Variants in THNSL1 observed in about 807,000 individuals in gnomAD.
The protein encoded by THNSL1 is threonine synthase like 1.
THNSL1 carries 48 observed loss-of-function variants against 50.4 expected under a neutral mutation model. The observed-to-expected ratio is 0.95, with a 90% confidence interval of 0.76 to 1.21. The LOEUF (loss-of-function observed/expected upper bound fraction) is 1.21, where lower values mean the gene tolerates loss of function less well. THNSL1 is among the 50% of genes most tolerant of loss of function. The pLI is 0.00. For missense variants in THNSL1, 896 were observed against 871.7 expected, an observed-to-expected ratio of 1.03 and a Z score of -0.35; for synonymous variants, 309 against 306.1, an observed-to-expected ratio of 1.01 and a Z score of -0.10.
the THNSL1 span, among the ~76,000 whole-genome samples, chr10:24,989,748 G>A: frequency 3.9e-5 from 6 of 152,266 alleles, no homozygotes; most frequent in East Asian, 7.7e-4. Context: ...AAATGGCTTC[G>A]TGGGATGCTT....
In THNSL1 at chr10:25,025,412, T is replaced by A; in HGVS notation, c.2189T>A (p.Leu730Ter). 1 of 1,612,706 alleles carries A rather than the reference T, an allele frequency of 6.2e-7. No homozygotes were observed. Among genetic ancestry groups the A allele is most frequent in the South Asian group, 1.1e-5 (1 of 90,544 alleles). Residue 730 changes from leucine (L) to a stop codon, truncating the protein, a stop_gained, in exon 3 of 3, where the codon TTG becomes TAG. Coordinates refer to ENST00000376356, the MANE Select transcript of THNSL1 (RefSeq NM_024838.5). LOFTEE classifies it high-confidence loss of function. Reference protein sequence around the residue: ...YQVCAADMNVLKSHVEQLVQN... With the variant: ...YQVCAADMNV Reference sequence around the variant, plus strand: ...GTCTGTGCAGCTGATATGAATGTCTTGAAGAGTCATGTGGAACAACTTGTC... The same window carrying A: ...GTCTGTGCAGCTGATATGAATGTCTAGAAGAGTCATGTGGAACAACTTGTC...
At chr10:24,965,120 A>T in the THNSL1 span, among the ~76,000 whole-genome samples, 4 of 151,916 alleles carry the variant, frequency 2.6e-5, no homozygotes, top group Non-Finnish European at 5.9e-5. Context: ...TTGTCCTGCT[A>T]TTGTGGGAAA....
the THNSL1 span, among the ~76,000 whole-genome samples, chr10:25,002,034 A>G: frequency 3.3e-5 from 5 of 152,136 alleles, no homozygotes; most frequent in African/African-American, 1.2e-4. Flanking sequence ...CAGTTATGAT[A>G]GTTGGAAACA....
the THNSL1 span, among the ~76,000 whole-genome samples, chr10:24,956,428 T>C: frequency 6.6e-6 from 1 of 152,166 alleles, no homozygotes; most frequent in African/African-American, 2.4e-5. Context: ...TCATTCTCTT[T>C]ATTACATTTT....
upstream of THNSL1, among the ~76,000 whole-genome samples, chr10:25,014,256 A>AT: frequency 6.6e-6 from 1 of 152,326 alleles, no homozygotes; most frequent in Non-Finnish European, 1.5e-5. Flanking sequence ...GTGGGAGATC[A>AT]AAAGCCAGGC....
chr10:25,024,267 A>T lies in THNSL1; in HGVS notation c.1044A>T (p.Gly348=), dbSNP rs556732631. The T allele has an allele frequency of 6.2e-7, 1 of 1,614,200 alleles. No homozygotes were observed. The highest frequency in any genetic ancestry group is 2.2e-5 in the East Asian group (1 of 44,874). ...FILELFHGPT[G]SFKDLSLQLM... ...TGGAGTTGTTTCATGGACCAACAGGATCATTTAAAGATTTGTCTTTACAGC... is the reference window on the plus strand; with the variant it reads ...TGGAGTTGTTTCATGGACCAACAGGTTCATTTAAAGATTTGTCTTTACAGC... Residue 348 remains glycine, a synonymous_variant, in exon 3 of 3, where the codon GGA becomes GGT. Coordinates refer to ENST00000376356, the MANE Select transcript of THNSL1 (RefSeq NM_024838.5).
At position 25,025,485 on chromosome 10, in the gene THNSL1, C is replaced by CT; in HGVS notation, c.*31dup. 1 of 1,562,448 alleles carries CT rather than the reference C, an allele frequency of 6.4e-7. No individual in the cohort carries two copies. Among genetic ancestry groups the CT allele is most frequent in the South Asian group, 1.2e-5 (1 of 81,808 alleles). On this transcript the variant is annotated 3_prime_UTR_variant, in exon 3 of 3. Coordinates refer to ENST00000376356, the MANE Select transcript of THNSL1 (RefSeq NM_024838.5). ...TTTCAGAGTAAATTTTTTTTTCTAG[C>CT]TATAAGCATGCAATAATAAATCTCA...
chr10:24,952,693 G>T, the THNSL1 span: 1 of 879,154 alleles, frequency 1.1e-6, no homozygotes, highest in Admixed American at 2.3e-5. The surrounding 1 kb of genome is among the most constrained non-coding windows in gnomAD (Gnocchi z 5.1). Flanking sequence ...GACGGGGACG[G>T]GGACGGGTCC....
chr10:25,020,393 CAT>C (rs924328493), intron 1 of THNSL1, among the ~76,000 whole-genome samples: 5 of 151,944 alleles, frequency 3.3e-5, no homozygotes, highest in African/African-American at 4.8e-5. Context: ...GTGAAGGTAA[CAT>C]AATGTTTCCT....
the THNSL1 span, among the ~76,000 whole-genome samples, chr10:24,995,134 C>CCCAAAA: frequency 0.022 from 3,306 of 152,112 alleles, 111 homozygotes; most frequent in African/African-American, 0.072. Flanking sequence ...CAAGTCTTTA[C>CCCAAAA]CCAAAACCAA....
chr10:25,014,230 C>T (rs929478555), upstream of THNSL1, among the ~76,000 whole-genome samples: 6 of 152,114 alleles, frequency 3.9e-5, no homozygotes, highest in African/African-American at 7.2e-5. Context: ...CCCAAAAAGA[C>T]GGTAAACTCT....
chr10:24,956,741 C>T, the THNSL1 span, among the ~76,000 whole-genome samples: 1 of 152,156 alleles, frequency 6.6e-6, no homozygotes, highest in Non-Finnish European at 1.5e-5. Flanking sequence ...CTGTGCCATA[C>T]AGCAGGTGTC....
chr10:25,026,065 G>C lies in THNSL1; in HGVS notation c.*610G>C, dbSNP rs909663955. 8 of 153,940 alleles carry C rather than the reference G, an allele frequency of 5.2e-5. No individual in the cohort carries two copies. The highest frequency in any genetic ancestry group is 1.9e-4 in the African/African-American group (8 of 41,462). 9.5% of individuals were successfully genotyped at this position (153,940 alleles called of 1,614,324 possible). A position where few individuals can be genotyped will look rare whatever the true frequency, so the allele number is the denominator to read the frequency against. ...GGCTAATTTTTTTATTTTTAATAGAGATGAGGTTTCGCCATGTTTTCCAGG... is the reference window on the plus strand; with the variant it reads ...GGCTAATTTTTTTATTTTTAATAGACATGAGGTTTCGCCATGTTTTCCAGG... On this transcript the variant is annotated 3_prime_UTR_variant, in exon 3 of 3. Transcript: ENST00000376356.
At chr10:24,962,365 A>G in the THNSL1 span, among the ~76,000 whole-genome samples, 1 of 152,214 alleles carries the variant, frequency 6.6e-6, no homozygotes, top group Non-Finnish European at 1.5e-5. Context: ...TACATTAGGA[A>G]GAAAATATTA....
At chr10:25,017,215 G>A (rs1850618075) in intron 1 of THNSL1, among the ~76,000 whole-genome samples, 1 of 152,190 alleles carries the variant, frequency 6.6e-6, no homozygotes, top group African/African-American at 2.4e-5. Flanking sequence ...AGTTTTTGGT[G>A]TCCCTTGTTG....
At chr10:24,988,257 T>A in the THNSL1 span, among the ~76,000 whole-genome samples, 1 of 140,394 alleles carries the variant, frequency 7.1e-6, no homozygotes, top group Non-Finnish European at 1.5e-5. Context: ...TATATGTGTA[T>A]ATATATATTT....
chr10:24,952,640 G>C, the THNSL1 span: 1 of 1,351,602 alleles, frequency 7.4e-7, no homozygotes, highest in Non-Finnish European at 1.0e-6. The surrounding 1 kb of genome is among the most constrained non-coding windows in gnomAD (Gnocchi z 5.1). Flanking sequence ...CGAAGGCTGC[G>C]TGGGGGATGG....
the THNSL1 span, among the ~76,000 whole-genome samples, chr10:24,967,898 G>A: frequency 1.3e-5 from 2 of 151,446 alleles, no homozygotes; most frequent in Admixed American, 1.3e-4. Context: ...GTGTATGTGT[G>A]TATGATGTAT....
chr10:25,015,812 G>A (rs1306031831), upstream of THNSL1: 2 of 1,525,158 alleles, frequency 1.3e-6, no homozygotes, highest in African/African-American at 1.4e-5. Flanking sequence ...TTAATACTGA[G>A]TATTCCCCAT....
Sources: gnomAD v4.1 joint callset for allele counts (sites outside exome capture counted in the v4.1 genomes callset) on GRCh38, gnomAD v4.1.1 for gene constraint, Gnocchi (gnomAD v3.1) non-coding constraint, MANE v1.5 for transcripts, NCBI Gene and HGNC (gene_info 2026-07-23, HGNC 2026-07-21) for gene names.